Variants in RHOBTB1 observed in about 807,000 individuals in gnomAD.
RHOBTB1 encodes rho-related BTB domain-containing protein 1.
Under a neutral mutation model 71.6 loss-of-function variants are expected in RHOBTB1, and 40 were observed. The observed-to-expected ratio is 0.56, with a 90% CI of 0.43 to 0.73. RHOBTB1 has a LOEUF of 0.73. Among genes scored for constraint, RHOBTB1 ranks in the 30% least tolerant of loss-of-function variants. The pLI is 0.00. For missense variants in RHOBTB1, 797 were observed against 894.0 expected (o/e 0.89, Z 1.38); for synonymous variants, 319 against 334.9 (o/e 0.95, Z 0.52).
Position 60,910,866 on chromosome 10 carries a change from G to A in RHOBTB1, c.296+21C>T, listed in dbSNP as rs371813495. ...GGAAATTGCATTCAAGCTCAACCAC[G>A]CTGTACTAGTCTTGGTTTACCTGCC... On this transcript the variant is annotated intron_variant, in intron 4 of 10. Coordinates refer to ENST00000337910, the MANE Select transcript of RHOBTB1 (RefSeq NM_014836.5). 10 of 1,567,706 alleles carry A rather than the reference G, an allele frequency of 6.4e-6. No homozygotes were observed. In the African/African-American group the frequency reaches 9.5e-5, roughly 15 times the overall value.
chr10:60,993,316 T>C (rs2086932888), intron 1 of RHOBTB1, among the ~76,000 whole-genome samples: 1 of 152,186 alleles, frequency 6.6e-6, no homozygotes, highest in Non-Finnish European at 1.5e-5. Context: ...TTTTAATGGG[T>C]TATTTCAGGC....
At position 60,878,439 on chromosome 10, in the gene RHOBTB1, C is replaced by T. The variant is rs567603467; in HGVS notation, c.1576-381G>A. ...AGGTGTTGGGCGGAGCTGCAAACCA[C>T]ACTGTTGCTGACATGATGGAGCCTA... On this transcript the variant is annotated intron_variant, in intron 7 of 10. Coordinates refer to ENST00000337910, the MANE Select transcript of RHOBTB1 (RefSeq NM_014836.5). 5.3e-5 allele frequency among the ~76,000 whole-genome samples: 8 copies of T among 152,310 alleles called. No individual in the cohort carries two copies. In the South Asian group the frequency reaches 1.7e-3, roughly 32 times the overall value.
chr10:60,943,260 G>A (rs1217782953), intron 1 of RHOBTB1, among the ~76,000 whole-genome samples: 1 of 152,216 alleles, frequency 6.6e-6, no homozygotes, highest in Non-Finnish European at 1.5e-5. Context: ...GATACTGCTG[G>A]GGATGGAAAC....
intron 3 of RHOBTB1, 71 bp from the exon 4 acceptor site, chr10:60,911,061 C>T (rs2082942071): frequency 1.7e-6 from 2 of 1,176,124 alleles, no homozygotes; most frequent in Non-Finnish European, 2.5e-6. Flanking sequence ...GTGTTCAAGT[C>T]AGCACCCTCA....
intron 4 of RHOBTB1, 98 bp downstream of exon 4, chr10:60,910,789 G>A: frequency 3.7e-6 from 3 of 811,916 alleles, no homozygotes; most frequent in Admixed American, 3.9e-5. Flanking sequence ...ACATTTCAAG[G>A]CCATATGATG....
intron 5 of RHOBTB1, 117 bp downstream of exon 5, chr10:60,892,693 T>C (rs1013026369): frequency 3.5e-6 from 3 of 853,976 alleles, no homozygotes; most frequent in African/African-American, 1.7e-5. Flanking sequence ...TTAAAACCCA[T>C]GGCTGATTGA....
intron 2 of RHOBTB1, among the ~76,000 whole-genome samples, chr10:60,926,748 A>T (rs1350382329): frequency 6.6e-6 from 1 of 152,244 alleles, no homozygotes; most frequent in Non-Finnish European, 1.5e-5. Flanking sequence ...TAAAAGCAAT[A>T]TACAACAGAC....
intron 2 of RHOBTB1, among the ~76,000 whole-genome samples, chr10:60,951,257 G>A (rs2085398613): frequency 6.6e-6 from 1 of 152,136 alleles, no homozygotes; most frequent in Non-Finnish European, 1.5e-5. Flanking sequence ...GTCCTGGAAG[G>A]AGACCTACCC....
intron 2 of RHOBTB1, among the ~76,000 whole-genome samples, chr10:60,925,963 T>A (rs2083856937): frequency 6.6e-6 from 1 of 152,102 alleles, no homozygotes; most frequent in South Asian, 2.1e-4. Context: ...GGGCGTGGTG[T>A]CTCACACCCG....
intron 2 of RHOBTB1, among the ~76,000 whole-genome samples, chr10:60,983,546 ACTTTACT>A (rs1275746100): frequency 3.9e-5 from 6 of 152,072 alleles, no homozygotes; most frequent in Non-Finnish European, 8.8e-5. Flanking sequence ...CCTCTTGGAT[ACTTTACT>A]CTTTATTGAT....
chr10:60,984,652 T>G (rs773252697), intron 2 of RHOBTB1, among the ~76,000 whole-genome samples: 1 of 152,176 alleles, frequency 6.6e-6, no homozygotes, highest in Non-Finnish European at 1.5e-5. Context: ...GATCAGCAAA[T>G]TTTATTCTTT....
rs535469311 is a variant in RHOBTB1, at chr10:60,913,630, G to A, written c.-10-2078C>T. On this transcript the variant is annotated intron_variant, in intron 2 of 10. Coordinates refer to ENST00000337910, the MANE Select transcript of RHOBTB1 (RefSeq NM_014836.5). ...AACGTGTCTGGTTGTCACTTGGTGG[G>A]GGGTTGAGGAGGGAGTTCTGCTTCT... 3.9e-5 allele frequency among the ~76,000 whole-genome samples: 6 copies of A among 152,154 alleles called. No individual in the cohort carries two copies. The South Asian group carries it at 8.3e-4, about 21-fold the overall frequency.
At chr10:60,944,994 C>T (rs906082924), upstream of RHOBTB1, among the ~76,000 whole-genome samples, 1 of 152,178 alleles carries the variant, frequency 6.6e-6, no homozygotes, top group African/African-American at 2.4e-5. Context: ...CAGCCCATGC[C>T]TCCTCACAGA....
In RHOBTB1 at chr10:60,984,209, T is replaced by C. The variant is rs191186734; in HGVS notation, c.-62+1636A>G. Among the ~76,000 whole-genome samples the C allele has an allele frequency of 1.2e-3, 181 of 152,162 alleles. 1 individual carries two copies. The highest frequency in any genetic ancestry group is 4.2e-3 in the African/African-American group (175 of 41,504). On this transcript the variant is annotated intron_variant, in intron 2 of 11. Transcript: ENST00000357917. ...GCATATTAGAAGTTAAAAACTGACA[T>C]GCAAAATCAAAGCAAAAAAATCATT...
At chr10:60,983,199 C>G (rs2086559037) in intron 2 of RHOBTB1, among the ~76,000 whole-genome samples, 1 of 152,090 alleles carries the variant, frequency 6.6e-6, no homozygotes, top group Non-Finnish European at 1.5e-5. Context: ...AATGGTAATA[C>G]AAGTGCTTTA....
At chr10:60,954,896 C>G (rs1032770322) in intron 2 of RHOBTB1, among the ~76,000 whole-genome samples, 36 of 152,008 alleles carry the variant, frequency 2.4e-4, no homozygotes, top group African/African-American at 8.4e-4. Flanking sequence ...CATATTTTAT[C>G]CTCCTCTTAA....
intron 4 of RHOBTB1, among the ~76,000 whole-genome samples, chr10:60,905,691 T>A (rs1423519652): frequency 6.6e-6 from 1 of 152,094 alleles, no homozygotes; most frequent in African/African-American, 2.4e-5. Context: ...CTGGTCCACC[T>A]CCTGGTCCAC....
intron 1 of RHOBTB1, among the ~76,000 whole-genome samples, chr10:60,992,923 T>C (rs2086917595): frequency 6.6e-6 from 1 of 152,178 alleles, no homozygotes; most frequent in Admixed American, 6.5e-5. Context: ...GTTATTGTAT[T>C]TGCTCTCTCA....
At chr10:60,938,172 A>G (rs2084699024) in intron 2 of RHOBTB1, among the ~76,000 whole-genome samples, 1 of 152,238 alleles carries the variant, frequency 6.6e-6, no homozygotes, top group Non-Finnish European at 1.5e-5. Context: ...CACTGAAGAT[A>G]AGTGAGGTTT....
Sources: allele counts gnomAD v4.1 joint callset (sites outside exome capture counted in the v4.1 genomes callset), GRCh38; gene constraint gnomAD v4.1.1; transcripts MANE v1.5; gene names NCBI Gene and HGNC (gene_info 2026-07-23, HGNC 2026-07-21).